SEPTIN7: variants seen among roughly 807,000 people sequenced by gnomAD.
SEPTIN7 encodes septin-7.
A neutral mutation model predicts 63.3 loss-of-function variants in SEPTIN7; 10 were observed. The ratio of observed to expected loss-of-function variants is 0.16; its 90% CI spans 0.10 to 0.27. SEPTIN7 has a LOEUF of 0.27. Ranked by LOEUF, SEPTIN7 falls within the 10% of genes least tolerant of loss-of-function variation. The pLI, the probability that SEPTIN7 is intolerant of heterozygous loss-of-function variation, is 1.00. For synonymous variants in SEPTIN7, 131 were observed against 165.3 expected (o/e 0.79, Z 1.59); for missense variants, 310 against 521.0 (o/e 0.59, Z 3.94).
intron 1 of SEPTIN7, among the ~76,000 whole-genome samples, chr7:35,824,280 G>C (rs1418701109): frequency 1.3e-5 from 2 of 152,062 alleles, no homozygotes; most frequent in Non-Finnish European, 2.9e-5. Flanking sequence ...CACTTCTTGA[G>C]GGGGCTGCTA....
chr7:35,866,675 G>A (rs1249622560), intron 4 of SEPTIN7, among the ~76,000 whole-genome samples: 1 of 152,176 alleles, frequency 6.6e-6, no homozygotes, highest in East Asian at 1.9e-4. Flanking sequence ...CTGATTTTTA[G>A]CCTCCTGTGT....
At chr7:35,911,835 T>C (rs1176147212), downstream of SEPTIN7, among the ~76,000 whole-genome samples, 4 of 152,212 alleles carry the variant, frequency 2.6e-5, no homozygotes, top group Non-Finnish European at 5.9e-5. Flanking sequence ...TTTTTGGATA[T>C]TGCAAAATTA....
chr7:35,862,300 TA>T (rs1034513058), intron 3 of SEPTIN7, among the ~76,000 whole-genome samples: 1 of 151,946 alleles, frequency 6.6e-6, no homozygotes, highest in Non-Finnish European at 1.5e-5. Flanking sequence ...TAAAAAGGGG[TA>T]AAAAACTAAA....
chr7:35,891,492 T>C (rs1344907429), intron 11 of SEPTIN7, among the ~76,000 whole-genome samples: 1 of 152,178 alleles, frequency 6.6e-6, no homozygotes, highest in Non-Finnish European at 1.5e-5. Flanking sequence ...TAGACAGTTG[T>C]AACATAATGT....
At chr7:35,910,075 G>A (rs1233483291), downstream of SEPTIN7, among the ~76,000 whole-genome samples, 3 of 152,204 alleles carry the variant, frequency 2.0e-5, no homozygotes, top group Non-Finnish European at 4.4e-5. Flanking sequence ...TCTCCACAGG[G>A]CTGCTTGAGT....
At position 35,861,539 on chromosome 7, in the gene SEPTIN7, G is replaced by A. The variant is rs187296684; in HGVS notation, c.170-2013G>A. 2.6e-3 allele frequency among the ~76,000 whole-genome samples: 392 copies of A among 152,222 alleles called. 3 individuals carry two copies. Among genetic ancestry groups the A allele is most frequent in the African/African-American group, 9.0e-3 (375 of 41,524 alleles). ...AGCATTTGTGTTGCCTAGGCCTGTGGGTCGCTTTCTCAATTCCTCCTGTAT... is the reference window on the plus strand; with the variant it reads ...AGCATTTGTGTTGCCTAGGCCTGTGAGTCGCTTTCTCAATTCCTCCTGTAT... On this transcript the variant is annotated intron_variant, in intron 3 of 13. Coordinates refer to ENST00000350320, the MANE Select transcript of SEPTIN7 (RefSeq NM_001788.6).
chr7:35,866,787 T>C (rs1423454116), intron 4 of SEPTIN7, among the ~76,000 whole-genome samples: 1 of 152,216 alleles, frequency 6.6e-6, no homozygotes, highest in Non-Finnish European at 1.5e-5. Flanking sequence ...CCCTGAGTTA[T>C]ATCTGTGCAT....
intron 1 of SEPTIN7, among the ~76,000 whole-genome samples, chr7:35,827,434 G>T (rs1562752795): frequency 1.3e-5 from 2 of 152,124 alleles, no homozygotes; most frequent in Admixed American, 1.3e-4. Flanking sequence ...AGAATTTAGG[G>T]TATGGAAAAA....
chr7:35,879,003 A>C (rs572695747), intron 6 of SEPTIN7, among the ~76,000 whole-genome samples: 2 of 152,330 alleles, frequency 1.3e-5, no homozygotes, highest in East Asian at 3.9e-4. Flanking sequence ...GGGAATTCTA[A>C]AGAATGTACT....
At chr7:35,818,373 A>G (rs1789215824) in intron 1 of SEPTIN7, among the ~76,000 whole-genome samples, 1 of 151,956 alleles carries the variant, frequency 6.6e-6, no homozygotes, top group Non-Finnish European at 1.5e-5. Flanking sequence ...TTGGTTTGCT[A>G]GTACTTTGTT....
At chr7:35,833,201 T>C (rs1783917044) in intron 3 of SEPTIN7, among the ~76,000 whole-genome samples, 1 of 152,030 alleles carries the variant, frequency 6.6e-6, no homozygotes, top group Admixed American at 6.6e-5. Context: ...ATCTGGTGGT[T>C]ACTTACTACT....
At chr7:35,874,615 G>T (rs112371088) in intron 6 of SEPTIN7, among the ~76,000 whole-genome samples, 7,099 of 152,188 alleles carry the variant, frequency 0.047, 251 homozygotes, top group South Asian at 0.17. Flanking sequence ...CATTACAGTA[G>T]TGTAAACCAA....
chr7:35,837,328 T>TA (rs1784129710), intron 3 of SEPTIN7, among the ~76,000 whole-genome samples: 1 of 152,206 alleles, frequency 6.6e-6, no homozygotes, highest in African/African-American at 2.4e-5. Context: ...TATCTTGTGA[T>TA]ATCGTACGTT....
chr7:35,855,323 G>A lies in SEPTIN7; in HGVS notation c.170-8229G>A, dbSNP rs115094972. ...CAGCTATTAATGAAGATGGATGTTC[G>A]TAGTTACAAACAGTGCTTAGGTTCC... On this transcript the variant is annotated intron_variant, in intron 3 of 13. Coordinates refer to ENST00000350320, the MANE Select transcript of SEPTIN7 (RefSeq NM_001788.6). Among the ~76,000 whole-genome samples the A allele has an allele frequency of 3.6e-3, 544 of 152,178 alleles. 1 individual carries two copies. Among genetic ancestry groups the A allele is most frequent in the African/African-American group, 0.013 (519 of 41,506 alleles).
chr7:35,815,273 A>G (rs1003167737), intron 1 of SEPTIN7: 3 of 322,192 alleles, frequency 9.3e-6, no homozygotes, highest in African/African-American at 6.7e-5. Context: ...GGGCACCAGA[A>G]GTGCTCATTG....
chr7:35,841,362 G>A (rs1437708533), intron 3 of SEPTIN7, among the ~76,000 whole-genome samples: 1 of 152,086 alleles, frequency 6.6e-6, no homozygotes, highest in Non-Finnish European at 1.5e-5. Context: ...AAAAATATAA[G>A]CAAGTCATTG....
Position 35,816,298 on chromosome 7 carries a change from T to G in SEPTIN7, c.61+15028T>G, listed in dbSNP as rs569772350. 8.1e-4 allele frequency among the ~76,000 whole-genome samples: 124 copies of G among 152,324 alleles called. 1 individual carries two copies. Among genetic ancestry groups the G allele is most frequent in the African/African-American group, 2.8e-3 (118 of 41,582 alleles). On this transcript the variant is annotated intron_variant, in intron 1 of 13. Transcript: ENST00000350320. ...CTTTCCGTTTCTATGGATTTGTCTA[T>G]CTTGGACATTTTATATAAATGAGAT...
chr7:35,854,327 G>A (rs1028477337), intron 3 of SEPTIN7, among the ~76,000 whole-genome samples: 20 of 152,196 alleles, frequency 1.3e-4, no homozygotes, highest in African/African-American at 4.3e-4. Flanking sequence ...TTGATGCATA[G>A]TGGTATCAGT....
chr7:35,903,488 T>C (rs906986562), intron 13 of SEPTIN7, among the ~76,000 whole-genome samples: 7 of 152,202 alleles, frequency 4.6e-5, no homozygotes, highest in Non-Finnish European at 8.8e-5. Context: ...CTTACCTTCA[T>C]TGGATTTCTT....
Sources: allele counts gnomAD v4.1 joint callset (sites outside exome capture counted in the v4.1 genomes callset), GRCh38; gene constraint gnomAD v4.1.1; transcripts MANE v1.5; gene names NCBI Gene and HGNC (gene_info 2026-07-23, HGNC 2026-07-21).